The following SLC8A2 variants were observed in gnomAD, a reference collection of about 807,000 sequenced individuals.
The protein encoded by SLC8A2 is solute carrier family 8 member A2.
Under a neutral mutation model 70.2 loss-of-function variants are expected in SLC8A2, and 14 were observed. That is an observed-to-expected ratio of 0.20 (90% CI 0.13 to 0.31). The LOEUF is 0.31. Among genes scored for constraint, SLC8A2 ranks in the 10% least tolerant of loss-of-function variants. The pLI is 1.00. For synonymous variants in SLC8A2, 575 were observed against 594.3 expected (o/e 0.97, Z 0.47); for missense variants, 779 against 1,320.1 (o/e 0.59, Z 6.35).
At chr19:47,470,200 C>T (rs562361016) in intron 1 of SLC8A2, among the ~76,000 whole-genome samples, 443 of 152,222 alleles carry the variant, frequency 2.9e-3, no homozygotes, top group African/African-American at 0.01. Flanking sequence ...CTTGGGTGCT[C>T]GAGGCTGTGA....
rs527973289 is a variant in SLC8A2 at position 47,466,320 on chromosome 19, C to T, written c.84G>A (p.Leu28=). 52 of 1,480,522 alleles carry T rather than the reference C, an allele frequency of 3.5e-5. 1 individual carries two copies. The Admixed American group carries it at 8.6e-4, about 24-fold the overall frequency. 91.7% of individuals were successfully genotyped at this position (1,480,522 alleles called of 1,614,324 possible). Residue 28 remains leucine, a synonymous_variant, in exon 2 of 10, where the codon CTG becomes CTA. Transcript: ENST00000236877. The surrounding 1 kb of genome is among the most constrained non-coding windows in gnomAD (Gnocchi z 6.9). The stretch of plus-strand genomic sequence containing the variant: ...CGCTGTCATTGGCCGGGGGAGGCGG[C>T]AGGGAGGGGGTTGGGGTGGCTGCCC... The part of the protein sequence containing the change: ...CSGAATPTPS[L]PPPPANDSDT...
rs749077234 is a variant in SLC8A2, at chr19:47,437,513, C to T, written c.2059G>A (p.Gly687Arg). 1.9e-6 allele frequency: 3 copies of T among 1,614,032 alleles called. No individual in the cohort carries two copies. The highest frequency in any genetic ancestry group is 2.5e-6 in the Non-Finnish European group (3 of 1,179,974). Residue 687 changes from glycine to arginine, a missense_variant, in exon 8 of 10, where the codon GGG becomes AGG. Physicochemically the swap from Gly to Arg is moderately radical, Grantham distance 125. Coordinates refer to ENST00000236877, the MANE Select transcript of SLC8A2 (RefSeq NM_015063.3). Reference protein sequence around the residue: ...IKKTNLALVIGTHSWREQFLE... With the variant: ...IKKTNLALVIRTHSWREQFLE... ...AACTGCTCCCTCCATGAATGGGTCC[C>T]AATTACCAAGGCCAAGTTCGTTTTC... is the stretch of plus-strand genomic sequence containing the variant.
intron 2 of SLC8A2, among the ~76,000 whole-genome samples, chr19:47,459,634 CGT>C (rs755097531): frequency 1.9e-4 from 29 of 150,192 alleles, no homozygotes; most frequent in South Asian, 8.5e-4. Flanking sequence ...TGTGTATGTG[CGT>C]GTGTCCATCT....
chr19:47,432,236 C>T lies in SLC8A2; in HGVS notation c.2320G>A (p.Gly774Ser). 1.2e-6 allele frequency: 2 copies of T among 1,613,968 alleles called. No individual in the cohort carries two copies. Among genetic ancestry groups the T allele is most frequent in the Non-Finnish European group, 1.7e-6 (2 of 1,179,946 alleles). Residue 774 changes from glycine (G) to serine (S), a missense_variant, in exon 9 of 10, where the codon GGC becomes AGC. Gly to Ser is a moderately conservative substitution (Grantham distance 56). This residue lies in a region of SLC8A2 where 108 missense variants were observed against 269.6 expected (regional missense o/e 0.40). Coordinates refer to ENST00000236877, the MANE Select transcript of SLC8A2 (RefSeq NM_015063.3). The surrounding 1 kb of genome is among the most constrained non-coding windows in gnomAD (Gnocchi z 6.2). ...GAGTCCTTGAGGCCAACGGTGCAGC[C>T]GAAGTGGGAGGCGAGGTCCCCAATG... ...ALIGDLASHF[G>S]CTVGLKDSVN...
rs141482452 is a variant in SLC8A2 at position 47,464,210 on chromosome 19, C to T, written c.675+1519G>A. 2.9e-4 allele frequency among the ~76,000 whole-genome samples: 44 copies of T among 152,258 alleles called. 2 individuals are homozygous for T. In the East Asian group the frequency reaches 8.5e-3, roughly 29 times the overall value. On this transcript the variant is annotated intron_variant, in intron 2 of 9. Transcript: ENST00000236877. ...CACTGCAACCTCCACCTCCCAGGTT[C>T]AAGCAATTCCCTTGCTTCAGCCTCC... is the stretch of plus-strand genomic sequence containing the variant.
chr19:47,431,861 C>T lies in SLC8A2; in HGVS notation c.2389+306G>A, dbSNP rs150393323. Among the ~76,000 whole-genome samples the T allele has an allele frequency of 3.7e-3, 556 of 152,138 alleles. 3 individuals are homozygous for T. The highest frequency in any genetic ancestry group is 0.01 in the Middle Eastern group (3 of 294). On this transcript the variant is annotated intron_variant, in intron 9 of 9. Coordinates refer to ENST00000236877, the MANE Select transcript of SLC8A2 (RefSeq NM_015063.3). ...CACCGTCTTCCTAGGAACCCCTCTCCCCACAGCTGTCTCTTCCCCACCCTG... is the reference window on the plus strand; with the variant it reads ...CACCGTCTTCCTAGGAACCCCTCTCTCCACAGCTGTCTCTTCCCCACCCTG...
intron 2 of SLC8A2, among the ~76,000 whole-genome samples, chr19:47,459,574 A>G (rs1372145199): frequency 6.7e-6 from 1 of 149,358 alleles, no homozygotes; most frequent in East Asian, 2.0e-4. Context: ...GTATATGTGT[A>G]TGTGCGTGTG....
At chr19:47,435,932 T>C (rs773832948) in intron 8 of SLC8A2, among the ~76,000 whole-genome samples, 1 of 152,096 alleles carries the variant, frequency 6.6e-6, no homozygotes, top group Non-Finnish European at 1.5e-5. Flanking sequence ...GCTTCCCCCA[T>C]TCAAAACCCT....
In SLC8A2 at chr19:47,432,880, C is replaced by T. The variant is rs534741458; in HGVS notation, c.2111-435G>A. Among the ~76,000 whole-genome samples, 1 of 150,278 alleles carries T rather than the reference C, an allele frequency of 6.7e-6. No homozygotes were observed. The highest frequency in any genetic ancestry group is 2.5e-5 in the African/African-American group (1 of 40,812). ...TAGGAGTGTGAATGGGCCCAGGTGA[C>T]AAATATTTATTTTCCCAGAATCCCT... On this transcript the variant is annotated intron_variant, in intron 8 of 9. Coordinates refer to ENST00000236877, the MANE Select transcript of SLC8A2 (RefSeq NM_015063.3). This position sits in a 1 kb window ranked among gnomAD's most constrained non-coding sequence, Gnocchi z 6.2.
chr19:47,446,794 C>T (rs1216619461), intron 4 of SLC8A2, among the ~76,000 whole-genome samples: 1 of 152,140 alleles, frequency 6.6e-6, no homozygotes, highest in Non-Finnish European at 1.5e-5. Flanking sequence ...CCTGCTTCGT[C>T]CTCCCAAAGC....
At chr19:47,459,645 CTGTG>C (rs372934662) in intron 2 of SLC8A2, among the ~76,000 whole-genome samples, 4 of 150,972 alleles carry the variant, frequency 2.6e-5, no homozygotes, top group Non-Finnish European at 4.4e-5. Flanking sequence ...GTGTGTCCAT[CTGTG>C]TGTGTGTCCT....
At chr19:47,441,641 G>GCT (rs1237560855) in intron 4 of SLC8A2, among the ~76,000 whole-genome samples, 1 of 152,168 alleles carries the variant, frequency 6.6e-6, no homozygotes, top group Non-Finnish European at 1.5e-5. Flanking sequence ...ACCAGGCACT[G>GCT]GTGAGGAAGC....
chr19:47,452,112 G>A (rs918943167), intron 3 of SLC8A2, among the ~76,000 whole-genome samples: 4 of 152,106 alleles, frequency 2.6e-5, no homozygotes, highest in Non-Finnish European at 5.9e-5. Flanking sequence ...TTGTGATTAG[G>A]TAGGAGAATG....
chr19:47,448,024 G>A lies in SLC8A2; in HGVS notation c.1548C>T (p.Ile516=). ...LVAPLLATVT[I]LDDDHAGIFS... ...AGATGCCTGCGTGGTCGTCGTCCAG[G>A]ATGGTGACGGTGGCCAGCAGCGGCG... The change falls in exon 4 of 10, where the codon ATC becomes ATT. Residue 516 remains isoleucine, a synonymous_variant. Coordinates refer to ENST00000236877, the MANE Select transcript of SLC8A2 (RefSeq NM_015063.3). The surrounding 1 kb of genome is among the most constrained non-coding windows in gnomAD (Gnocchi z 4.8). 3 of 1,565,872 alleles carry A rather than the reference G, an allele frequency of 1.9e-6. No homozygotes were observed. The highest frequency in any genetic ancestry group is 2.6e-6 in the Non-Finnish European group (3 of 1,154,926).
chr19:47,441,594 G>A (rs1489729152), intron 4 of SLC8A2, among the ~76,000 whole-genome samples, 154 bp from the exon 5 acceptor site: 1 of 152,112 alleles, frequency 6.6e-6, no homozygotes, highest in Non-Finnish European at 1.5e-5. Context: ...ACGCAGGGAG[G>A]AAGGCTCTAT....
intron 3 of SLC8A2, among the ~76,000 whole-genome samples, chr19:47,454,589 C>A (rs1967280742): frequency 6.6e-6 from 1 of 151,994 alleles, no homozygotes; most frequent in South Asian, 2.1e-4. Flanking sequence ...GAGGTGGAGG[C>A]TGCAGTAAGC....
intron 7 of SLC8A2, 100 bp downstream of exon 7, chr19:47,437,749 T>C (rs1485106275): frequency 3.4e-6 from 5 of 1,452,412 alleles, no homozygotes; most frequent in Non-Finnish European, 4.8e-6. Flanking sequence ...GACCCTTCTT[T>C]GGCTTGATCT....
Position 47,466,317 on chromosome 19 carries a change from C to A in SLC8A2, c.87G>T (p.Pro29=), listed in dbSNP as rs775654116. ...TGTCGCTGTCATTGGCCGGGGGAGG[C>A]GGCAGGGAGGGGGTTGGGGTGGCTG... The part of the protein sequence containing the change: ...SGAATPTPSL[P]PPPANDSDTS... Residue 29 remains proline (P), a synonymous_variant, in exon 2 of 10, where the codon CCG becomes CCT. Transcript: ENST00000236877. The surrounding 1 kb of genome is among the most constrained non-coding windows in gnomAD (Gnocchi z 6.9). 3 of 1,481,990 alleles carry A rather than the reference C, an allele frequency of 2.0e-6. No individual in the cohort carries two copies. The highest frequency in any genetic ancestry group is 2.7e-5 in the South Asian group (2 of 75,064). 91.8% of individuals were successfully genotyped at this position (1,481,990 alleles called of 1,614,324 possible). A position where few individuals can be genotyped will look rare whatever the true frequency, so the allele number is the denominator to read the frequency against.
chr19:47,452,776 T>C (rs1967260246), intron 3 of SLC8A2, among the ~76,000 whole-genome samples: 1 of 152,158 alleles, frequency 6.6e-6, no homozygotes, highest in Non-Finnish European at 1.5e-5. Context: ...CTCATGCCTG[T>C]AATCCCGGCA....
Sources: gnomAD v4.1 joint callset for allele counts (sites outside exome capture counted in the v4.1 genomes callset) on GRCh38, gnomAD v4.1.1 for gene constraint, gnomAD v4.1.1 regional missense constraint, Gnocchi (gnomAD v3.1) non-coding constraint, MANE v1.5 for transcripts, NCBI Gene and HGNC (gene_info 2026-07-23, HGNC 2026-07-21) for gene names.